Variants in SEC62 observed in about 807,000 individuals in gnomAD.
SEC62 encodes SEC62 preprotein translocation factor, also known as translocation protein SEC62.
Under a neutral mutation model 47.5 loss-of-function variants are expected in SEC62, and 10 were observed. The observed-to-expected ratio is 0.21, with a 90% CI of 0.13 to 0.36. SEC62 has a LOEUF of 0.36. SEC62 is among the 10% of genes least tolerant of loss of function. The pLI is 1.00. For synonymous variants in SEC62, 136 were observed against 150.5 expected (o/e 0.90, Z 0.71); for missense variants, 327 against 464.1 (o/e 0.70, Z 2.71).
intron 1 of SEC62, among the ~76,000 whole-genome samples, chr3:169,973,520 G>A (rs138124237): frequency 9.2e-5 from 14 of 152,050 alleles, no homozygotes; most frequent in African/African-American, 1.4e-4. Context: ...AAAATTAGCC[G>A]GACATGGTGG....
intron 7 of SEC62, among the ~76,000 whole-genome samples, chr3:169,991,747 T>C (rs898358790): frequency 6.6e-6 from 1 of 152,126 alleles, no homozygotes; most frequent in Non-Finnish European, 1.5e-5. Flanking sequence ...GGAAACTTTC[T>C]AATACTGGGG....
chr3:169,977,734 A>G (rs1045570260), intron 3 of SEC62, among the ~76,000 whole-genome samples: 2 of 152,066 alleles, frequency 1.3e-5, no homozygotes, highest in Non-Finnish European at 2.9e-5. Flanking sequence ...ACTTAATACT[A>G]AGCATTTTCT....
intron 1 of SEC62, among the ~76,000 whole-genome samples, chr3:169,969,588 C>G (rs777065991): frequency 5.9e-5 from 9 of 152,082 alleles, no homozygotes; most frequent in Non-Finnish European, 1.3e-4. Flanking sequence ...CACCCAACAC[C>G]CTCGTTTTTC....
intron 3 of SEC62, among the ~76,000 whole-genome samples, chr3:169,980,891 A>T (rs1217863866): frequency 6.6e-6 from 1 of 152,200 alleles, no homozygotes; most frequent in Non-Finnish European, 1.5e-5. Context: ...GAGGAACAGG[A>T]TGTATTTTTA....
At chr3:169,988,063 G>A (rs1715149896) in intron 6 of SEC62, among the ~76,000 whole-genome samples, 177 bp from the exon 7 acceptor site, 1 of 152,050 alleles carries the variant, frequency 6.6e-6, no homozygotes, top group Admixed American at 6.6e-5. Flanking sequence ...TAAAATGTTA[G>A]GTTGAACAAT....
intron 3 of SEC62, among the ~76,000 whole-genome samples, chr3:169,979,005 TC>T (rs1714909061): frequency 1.3e-5 from 2 of 152,168 alleles, no homozygotes; most frequent in African/African-American, 2.4e-5. Context: ...AGCCCAAATC[TC>T]TGAGTAGAGC....
At position 169,993,511 on chromosome 3, in the gene SEC62, TTTTA is replaced by T. The variant is rs1447369734; in HGVS notation, c.*452_*455del. On this transcript the variant is annotated 3_prime_UTR_variant, in exon 8 of 8. Transcript: ENST00000337002. The stretch of plus-strand genomic sequence containing the variant: ...GTGTAAACTCATTGTCCTTGATAGT[TTTTA>T]TTTTTCATTATAAAATTATACCAGG... 2.0e-5 allele frequency: 3 copies of T among 153,232 alleles called. No individual in the cohort carries two copies. The highest frequency in any genetic ancestry group is 7.2e-5 in the African/African-American group (3 of 41,478). 9.5% of individuals were successfully genotyped at this position (153,232 alleles called of 1,614,324 possible).
rs1161407365 is a variant in SEC62 at position 169,982,694 on chromosome 3, G to A, written c.252-13G>A. 2 of 1,604,292 alleles carry A rather than the reference G, an allele frequency of 1.2e-6. No individual in the cohort carries two copies. The highest frequency in any genetic ancestry group is 1.1e-5 in the South Asian group (1 of 90,498). ...ATATGGGGAGTGTAATGCCATACCT[G>A]TTTTTCCCAAAGGCTTTTAAAGAAG... On this transcript the variant is annotated splice_polypyrimidine_tract_variant and intron_variant, in intron 3 of 7. Transcript: ENST00000337002.
At chr3:169,972,807 A>G (rs1714730901) in intron 1 of SEC62, among the ~76,000 whole-genome samples, 1 of 152,150 alleles carries the variant, frequency 6.6e-6, no homozygotes, top group South Asian at 2.1e-4. Flanking sequence ...GTTATGTAAC[A>G]GAGTGTACAT....
At chr3:169,982,216 C>G (rs9864318) in intron 3 of SEC62, among the ~76,000 whole-genome samples, 43,863 of 151,904 alleles carry the variant, frequency 0.29, 7,694 homozygotes, top group African/African-American at 0.49. Flanking sequence ...TACAGTGGCA[C>G]ACTGAATTGC....
chr3:169,988,431 C>T, intron 7 of SEC62, 72 bp downstream of exon 7: 1 of 1,520,736 alleles, frequency 6.6e-7, no homozygotes, highest in East Asian at 2.3e-5. Context: ...TTTGGAGCTT[C>T]AGTAAAGCTT....
rs528690172 is a variant in SEC62, at chr3:169,984,689, A to G, written c.550-1116A>G. Reference sequence around the variant, plus strand: ...TTTAGAATGGAAACTGGCAGAAGTAATATCTGTGAATCTGATTCCCAAGGA... The same window carrying G: ...TTTAGAATGGAAACTGGCAGAAGTAGTATCTGTGAATCTGATTCCCAAGGA... On this transcript the variant is annotated intron_variant, in intron 5 of 7. Transcript: ENST00000337002. 5.9e-5 allele frequency among the ~76,000 whole-genome samples: 9 copies of G among 152,322 alleles called. No individual in the cohort carries two copies. The South Asian group carries it at 1.0e-3, about 18-fold the overall frequency.
chr3:169,990,729 A>C (rs533424601), intron 7 of SEC62, among the ~76,000 whole-genome samples: 1 of 152,344 alleles, frequency 6.6e-6, no homozygotes, highest in African/African-American at 2.4e-5. Context: ...AATTTTAAGC[A>C]TATTTACCTT....
Position 169,985,803 on chromosome 3 carries a change from A to C in SEC62, c.550-2A>C. 1 of 1,608,380 alleles carries C rather than the reference A, an allele frequency of 6.2e-7. No individual in the cohort carries two copies. Among genetic ancestry groups the C allele is most frequent in the Non-Finnish European group, 8.5e-7 (1 of 1,177,340 alleles). On this transcript the variant is annotated splice_acceptor_variant, in intron 5 of 7. Coordinates refer to ENST00000337002, the MANE Select transcript of SEC62 (RefSeq NM_003262.4). LOFTEE classifies it high-confidence loss of function. ...AGCACCGAGGTTTCTTGATTCTTCT[A>C]GGTGTATGTATGGATCTATGACCCA... is the stretch of plus-strand genomic sequence containing the variant.
At position 169,993,625 on chromosome 3, in the gene SEC62, T is replaced by TA. The variant is rs1372893461; in HGVS notation, c.*562_*563insA. 2 of 152,678 alleles carry TA rather than the reference T, an allele frequency of 1.3e-5. No homozygotes were observed. Among genetic ancestry groups the TA allele is most frequent in the African/African-American group, 4.8e-5 (2 of 41,430 alleles). The allele number at this position is 152,678 out of a possible 1,614,324, so 9.5% of individuals were successfully genotyped here. On this transcript the variant is annotated 3_prime_UTR_variant, in exon 8 of 8. Coordinates refer to ENST00000337002, the MANE Select transcript of SEC62 (RefSeq NM_003262.4). ...ACTAGTAACAATGCAGCAACACTTC[T>TA]GGTTTAGCTAAATTATTTTTCCAAT...
intron 1 of SEC62, among the ~76,000 whole-genome samples, chr3:169,969,812 A>G (rs1436806838): frequency 6.6e-6 from 1 of 152,236 alleles, no homozygotes. Context: ...TGTCCTTGCT[A>G]AAGAGAATCA....
At position 169,982,844 on chromosome 3, in the gene SEC62, T is replaced by A; in HGVS notation, c.389T>A (p.Ile130Lys). ...EEDKKSKKEN[I>K]KDEKTKKEKE... is the part of the protein sequence containing the mutation. ...GATAAAAAGAGCAAGAAAGAAAATA[T>A]AAAGGATGAGAAGACAAAAAAAGAA... is the stretch of plus-strand genomic sequence containing the variant. The change falls in exon 4 of 8, where the codon ATA (isoleucine) becomes AAA (lysine). Residue 130 changes from isoleucine to lysine, a missense_variant. Ile to Lys is a moderately radical substitution (Grantham distance 102). This residue lies in a region of SEC62 where 126 missense variants were observed against 161.2 expected (regional missense o/e 0.78). Transcript: ENST00000337002. 1.3e-6 allele frequency: 2 copies of A among 1,560,072 alleles called. No individual in the cohort carries two copies. The highest frequency in any genetic ancestry group is 1.4e-5 in the African/African-American group (1 of 70,756).
Position 169,992,624 on chromosome 3 carries a change from T to C in SEC62, c.761T>C (p.Leu254Pro). Residue 254 changes from leucine (L) to proline (P), a missense_variant, in exon 8 of 8, where the codon CTC becomes CCC. Physicochemically the swap from Leu to Pro is moderately conservative, Grantham distance 98 (BLOSUM62 -3). Coordinates refer to ENST00000337002, the MANE Select transcript of SEC62 (RefSeq NM_003262.4). This position sits in a 1 kb window ranked among gnomAD's most constrained non-coding sequence, Gnocchi z 4.0. ...ARCILFLIIW[L>P]ITGGRHHFWF... ...TGCATTCTATTTCTCATCATTTGGC[T>C]CATAACTGGAGGAAGGCACCACTTT... The C allele has an allele frequency of 6.2e-7, 1 of 1,613,698 alleles. No homozygotes were observed. The highest frequency in any genetic ancestry group is 8.5e-7 in the Non-Finnish European group (1 of 1,179,908).
At chr3:169,977,482 G>A (rs559458511) in intron 3 of SEC62, among the ~76,000 whole-genome samples, 23 of 152,166 alleles carry the variant, frequency 1.5e-4, no homozygotes, top group African/African-American at 4.6e-4. Context: ...TTCAGTGTTT[G>A]CTAATGTAGT....
Sources: allele counts gnomAD v4.1 joint callset (sites outside exome capture counted in the v4.1 genomes callset), GRCh38; gene constraint gnomAD v4.1.1; regional missense constraint gnomAD v4.1.1; non-coding constraint Gnocchi (gnomAD v3.1); transcripts MANE v1.5; gene names NCBI Gene and HGNC (gene_info 2026-07-23, HGNC 2026-07-21).